Variants in VPS41 observed in about 807,000 individuals in gnomAD.
The protein encoded by VPS41 is VPS41 subunit of HOPS complex, also known as vacuolar protein sorting-associated protein 41 homolog.
VPS41 carries 85 observed loss-of-function variants against 130.9 expected under a neutral mutation model. The ratio of observed to expected loss-of-function variants is 0.65; its 90% CI spans 0.55 to 0.78. The LOEUF (loss-of-function observed/expected upper bound fraction) is 0.78, where lower values mean the gene tolerates loss of function less well. VPS41 is among the 30% of genes least tolerant of loss of function. The pLI, the probability that VPS41 is intolerant of heterozygous loss-of-function variation, is 0.00. For missense variants in VPS41, 874 were observed against 1,018.7 expected (o/e 0.86, Z 1.93); for synonymous variants, 335 against 332.9 (o/e 1.01, Z -0.07).
At chr7:38,843,538 C>T (rs1057308282) in intron 4 of VPS41, among the ~76,000 whole-genome samples, 3 of 148,560 alleles carry the variant, frequency 2.0e-5, no homozygotes, top group African/African-American at 5.2e-5. Context: ...AAAAATTAGC[C>T]GGGCGCGGTG....
chr7:38,745,436 A>G, intron 23 of VPS41, 123 bp downstream of exon 23: 1 of 755,916 alleles, frequency 1.3e-6, no homozygotes, highest in East Asian at 2.5e-5. Flanking sequence ...AAATTATTGT[A>G]AAAATAGGCT....
At chr7:38,833,285 C>A (rs1785429973) in intron 4 of VPS41, among the ~76,000 whole-genome samples, 1 of 152,200 alleles carries the variant, frequency 6.6e-6, no homozygotes, top group African/African-American at 2.4e-5. Context: ...CTATTCTCAG[C>A]AAGCCTGCAC....
intron 4 of VPS41, among the ~76,000 whole-genome samples, chr7:38,860,697 T>TTGTGTGTG (rs59007809): frequency 5.0e-4 from 72 of 143,496 alleles, no homozygotes; most frequent in African/African-American, 1.6e-3. Flanking sequence ...AACAATCTGT[T>TTGTGTGTG]TGTGTGTGTG....
In VPS41 at chr7:38,741,995, T is replaced by A. The variant is rs1346328799; in HGVS notation, c.2249A>T (p.Tyr750Phe). ...AGAAAGGATACTTACTTGCAAATTG[T>A]AGTCTTGCAGAATTTTAACCAAGGA... is the stretch of plus-strand genomic sequence containing the variant. ...RDSLVKILQD[Y>F]NLQILLREGC... The change falls in exon 25 of 29, where the codon TAC (tyrosine) becomes TTC (phenylalanine). Residue 750 changes from tyrosine to phenylalanine, a missense_variant. Transcript: ENST00000310301. The A allele has an allele frequency of 1.9e-6, 3 of 1,613,076 alleles. No individual in the cohort carries two copies. In the Admixed American group the frequency reaches 5.0e-5, roughly 27 times the overall value.
At position 38,830,336 on chromosome 7, in the gene VPS41, GA is replaced by G. The variant is rs1332050885; in HGVS notation, c.247-9del. ...ATTTATCTTCACAGGACTCTAAAAA[GA>G]AAAAGACAAAAAGATGTGTAAAACT... On this transcript the variant is annotated splice_polypyrimidine_tract_variant and intron_variant, in intron 4 of 28. Coordinates refer to ENST00000310301, the MANE Select transcript of VPS41 (RefSeq NM_014396.4). The G allele has an allele frequency of 1.3e-6, 2 of 1,581,896 alleles. No individual in the cohort carries two copies. Among genetic ancestry groups the G allele is most frequent in the East Asian group, 2.2e-5 (1 of 44,702 alleles).
intron 3 of VPS41, among the ~76,000 whole-genome samples, chr7:38,863,168 G>A (rs1368837260): frequency 6.6e-6 from 1 of 152,126 alleles, no homozygotes; most frequent in Admixed American, 6.5e-5. Flanking sequence ...AATATATAAT[G>A]TTGAGTGTTA....
At chr7:38,812,399 AT>A (rs774191129) in intron 7 of VPS41, among the ~76,000 whole-genome samples, 5 of 152,194 alleles carry the variant, frequency 3.3e-5, no homozygotes, top group Admixed American at 6.5e-5. Context: ...CTCAAAATAT[AT>A]TGTACACCTA....
intron 25 of VPS41, among the ~76,000 whole-genome samples, chr7:38,737,445 C>T (rs1231988424): frequency 6.6e-6 from 1 of 152,108 alleles, no homozygotes; most frequent in Non-Finnish European, 1.5e-5. Flanking sequence ...CAAAATAAAA[C>T]ATAAATCAAA....
At chr7:38,777,135 G>T (rs1022610275) in intron 10 of VPS41, among the ~76,000 whole-genome samples, 1 of 152,150 alleles carries the variant, frequency 6.6e-6, no homozygotes, top group African/African-American at 2.4e-5. Context: ...ATTAGTAACA[G>T]TAATAATTTT....
intron 22 of VPS41, among the ~76,000 whole-genome samples, chr7:38,747,976 T>A (rs944432678): frequency 6.6e-6 from 1 of 152,232 alleles, no homozygotes; most frequent in Non-Finnish European, 1.5e-5. Flanking sequence ...AAAGATAATT[T>A]GAGTCTCTGA....
intron 9 of VPS41, among the ~76,000 whole-genome samples, chr7:38,790,428 A>G (rs1188217678): frequency 6.6e-6 from 1 of 152,196 alleles, no homozygotes; most frequent in Non-Finnish European, 1.5e-5. Context: ...TGAGCCCTCC[A>G]TATCCATGGG....
At position 38,763,444 on chromosome 7, in the gene VPS41, G is replaced by T; in HGVS notation, c.1422+11C>A. 1 of 1,562,366 alleles carries T rather than the reference G, an allele frequency of 6.4e-7. No individual in the cohort carries two copies. The highest frequency in any genetic ancestry group is 1.2e-5 in the South Asian group (1 of 83,984). On this transcript the variant is annotated intron_variant, in intron 17 of 28. Transcript: ENST00000310301. ...AGAACAAGTAAATATGACCACATCA[G>T]AACACCATACCTCATAATCACTCTC...
intron 1 of VPS41, among the ~76,000 whole-genome samples, chr7:38,899,445 T>C (rs1562629416): frequency 1.3e-5 from 2 of 152,216 alleles, no homozygotes; most frequent in Non-Finnish European, 2.9e-5. Flanking sequence ...ATGACATGTA[T>C]CATGTTCCAC....
At chr7:38,770,868 CTCTT>C (rs1784140187) in intron 14 of VPS41, among the ~76,000 whole-genome samples, 3 of 152,174 alleles carry the variant, frequency 2.0e-5, no homozygotes, top group South Asian at 4.1e-4. Flanking sequence ...TAGGAAACCT[CTCTT>C]TTTTTGATAA....
chr7:38,776,717 C>G lies in VPS41; in HGVS notation c.844G>C (p.Val282Leu). 3.7e-6 allele frequency: 6 copies of G among 1,612,326 alleles called. No homozygotes were observed. The highest frequency in any genetic ancestry group is 5.1e-6 in the Non-Finnish European group (6 of 1,178,640). Residue 282 changes from valine (V) to leucine (L), a missense_variant, in exon 11 of 29, where the codon GTT becomes CTT. By Grantham distance (32) the Val-to-Leu change is conservative. Transcript: ENST00000310301. ...ATCTCCTTTACATACGAAAGTACAA[C>G]AAGCTGATCACAGAGAGGTGCAAGT... ...SGLAPLCDQL[V>L]VLSYVKEISE...
chr7:38,869,708 G>A (rs1786307908), intron 2 of VPS41, among the ~76,000 whole-genome samples: 1 of 152,074 alleles, frequency 6.6e-6, no homozygotes, highest in South Asian at 2.1e-4. Flanking sequence ...GTTTACATAT[G>A]GAGAACTGTG....
At chr7:38,788,510 A>G (rs938313419) in intron 10 of VPS41, among the ~76,000 whole-genome samples, 1 of 152,216 alleles carries the variant, frequency 6.6e-6, no homozygotes, top group Admixed American at 6.5e-5. Context: ...GAAGATGACA[A>G]TTGCTACATT....
At chr7:38,800,636 C>T (rs1466525808) in intron 7 of VPS41, among the ~76,000 whole-genome samples, 1 of 152,120 alleles carries the variant, frequency 6.6e-6, no homozygotes, top group Non-Finnish European at 1.5e-5. Context: ...GAGTTTGAGA[C>T]CAGCCTGGCC....
chr7:38,878,259 T>G (rs572974040), intron 2 of VPS41, among the ~76,000 whole-genome samples: 1 of 152,008 alleles, frequency 6.6e-6, no homozygotes, highest in Non-Finnish European at 1.5e-5. Flanking sequence ...TACAGACAAA[T>G]TGAATATGAG....
Sources: allele counts gnomAD v4.1 joint callset (sites outside exome capture counted in the v4.1 genomes callset), GRCh38; gene constraint gnomAD v4.1.1; transcripts MANE v1.5; gene names NCBI Gene and HGNC (gene_info 2026-07-23, HGNC 2026-07-21).